Variants in ATP6V0E1 observed in about 807,000 individuals in gnomAD.
ATP6V0E1 encodes V-type proton ATPase subunit e 1.
Under a neutral mutation model 11.6 loss-of-function variants are expected in ATP6V0E1, and 4 were observed. That is an observed-to-expected ratio of 0.35 (90% CI 0.17 to 0.79). ATP6V0E1 has a LOEUF of 0.79. Ranked by LOEUF, ATP6V0E1 falls within the 30% of genes least tolerant of loss-of-function variation. ATP6V0E1 has a pLI of 0.54. For missense variants in ATP6V0E1, 105 were observed against 100.0 expected (o/e 1.05, Z -0.21); for synonymous variants, 36 against 34.8 (o/e 1.04, Z -0.13).
chr5:172,998,190 C>CTTTTTTTT (rs999790390), intron 2 of ATP6V0E1, among the ~76,000 whole-genome samples: 6 of 104,878 alleles, frequency 5.7e-5, no homozygotes, highest in African/African-American at 1.1e-4. Context: ...AAAATTTAGT[C>CTTTTTTTT]TTTTTTTTTT....
In ATP6V0E1 at chr5:173,021,301, G is replaced by C. The variant is rs138482337; in HGVS notation, c.*36+934G>C. On this transcript the variant is annotated intron_variant, in intron 3 of 3. Coordinates refer to ENST00000519374, the MANE Select transcript of ATP6V0E1 (RefSeq NM_003945.4). ...CTGATAAAGACATACCCAAGACTGG[G>C]TAATTTATAAAGAAAGAGAGGTTTA... Among the ~76,000 whole-genome samples the C allele has an allele frequency of 2.0e-5, 3 of 150,792 alleles. No individual in the cohort carries two copies. The East Asian group carries it at 5.8e-4, about 29-fold the overall frequency.
At chr5:172,984,438 T>C (rs1390422162) in intron 1 of ATP6V0E1, among the ~76,000 whole-genome samples, 3 of 152,288 alleles carry the variant, frequency 2.0e-5, no homozygotes, top group Admixed American at 6.5e-5. Flanking sequence ...TTCGACAACA[T>C]TGAGCCCAGG....
chr5:172,987,297 T>C (rs1755911396), intron 1 of ATP6V0E1: 1 of 149,072 alleles, frequency 6.7e-6, no homozygotes, highest in Non-Finnish European at 1.5e-5. Flanking sequence ...TTTTTTTTTT[T>C]CTTTGAGATG....
At chr5:173,032,346 G>T (rs1756678242) in intron 3 of ATP6V0E1, among the ~76,000 whole-genome samples, 1 of 150,782 alleles carries the variant, frequency 6.6e-6, no homozygotes, top group Admixed American at 6.6e-5. Context: ...GGAGTCCAAT[G>T]GTGTGATCTC....
chr5:173,013,683 C>T (rs1756364894), intron 2 of ATP6V0E1, among the ~76,000 whole-genome samples: 1 of 151,608 alleles, frequency 6.6e-6, no homozygotes, highest in African/African-American at 2.4e-5. Context: ...CCTCAAACAA[C>T]TTAACAGTTA....
intron 2 of ATP6V0E1, among the ~76,000 whole-genome samples, chr5:173,007,933 G>C (rs1017926605): frequency 6.6e-6 from 1 of 152,194 alleles, no homozygotes; most frequent in Non-Finnish European, 1.5e-5. Context: ...CATGTATGCC[G>C]GGCAGGGGCT....
intron 3 of ATP6V0E1, among the ~76,000 whole-genome samples, chr5:173,031,419 CTTTTT>C (rs564495625): frequency 7.7e-6 from 1 of 129,084 alleles, no homozygotes; most frequent in African/African-American, 2.9e-5. Context: ...CCTTATGACT[CTTTTT>C]TTTTTTTTTT....
chr5:172,996,225 A>G (rs570684961), intron 2 of ATP6V0E1, among the ~76,000 whole-genome samples: 1 of 152,380 alleles, frequency 6.6e-6, no homozygotes, highest in South Asian at 2.1e-4. Flanking sequence ...TGATTTAAAG[A>G]GAAAATGTGG....
rs184294309 is a variant in ATP6V0E1 at position 173,016,625 on chromosome 5, G to T, written c.153-3613G>T. ...TAGTATTTCTAGGCATTGGCCAGTTGTCTCAGTCTCTTACGAAAGTGTTTT... is the reference window on the plus strand; with the variant it reads ...TAGTATTTCTAGGCATTGGCCAGTTTTCTCAGTCTCTTACGAAAGTGTTTT... On this transcript the variant is annotated intron_variant, in intron 2 of 3. Transcript: ENST00000519374. Among the ~76,000 whole-genome samples the T allele has an allele frequency of 3.7e-3, 565 of 152,294 alleles. 2 individuals carry two copies. The highest frequency in any genetic ancestry group is 4.6e-3 in the Non-Finnish European group (316 of 68,026).
chr5:172,995,404 C>T (rs537205928), intron 2 of ATP6V0E1, among the ~76,000 whole-genome samples: 2 of 152,124 alleles, frequency 1.3e-5, no homozygotes, highest in Admixed American at 1.3e-4. Context: ...GCCCGGTATA[C>T]TATTGTGAAG....
At chr5:173,021,054 T>C (rs1157605283) in intron 3 of ATP6V0E1, 12 of 391,894 alleles carry the variant, frequency 3.1e-5, no homozygotes, top group Non-Finnish European at 5.6e-5. Context: ...TTCTGCAGGC[T>C]GTATAAACAT....
rs143803303 is a variant in ATP6V0E1, at chr5:173,033,575, G to T, written c.*37-824G>T. 4.9e-4 allele frequency among the ~76,000 whole-genome samples: 74 copies of T among 152,266 alleles called. 1 individual carries two copies. In the East Asian group the frequency reaches 0.014, roughly 29 times the overall value. On this transcript the variant is annotated intron_variant, in intron 3 of 3. Coordinates refer to ENST00000519374, the MANE Select transcript of ATP6V0E1 (RefSeq NM_003945.4). ...AATATAGTCTGTTTAGGGCATGATG[G>T]CTCATGCCTGTAATCCCAGCACTTT...
chr5:173,024,898 G>A (rs1254980407), intron 3 of ATP6V0E1, among the ~76,000 whole-genome samples: 41 of 144,020 alleles, frequency 2.8e-4, no homozygotes, highest in Non-Finnish European at 5.7e-4. Flanking sequence ...GCTGGAGTGC[G>A]GTGGCGTGAT....
intron 1 of ATP6V0E1, among the ~76,000 whole-genome samples, chr5:172,985,244 CAAA>C (rs59381222): frequency 8.9e-5 from 8 of 89,436 alleles, no homozygotes; most frequent in Non-Finnish European, 7.9e-5. Flanking sequence ...GACTCCGTCT[CAAA>C]AAAAAAAAAA....
chr5:173,030,939 A>T (rs1306999639), intron 3 of ATP6V0E1, among the ~76,000 whole-genome samples: 1 of 149,118 alleles, frequency 6.7e-6, no homozygotes, highest in African/African-American at 2.5e-5. Context: ...TTATTTATTT[A>T]TTTATTTATT....
chr5:172,990,242 T>C (rs1412440587), intron 1 of ATP6V0E1, among the ~76,000 whole-genome samples: 3 of 152,080 alleles, frequency 2.0e-5, no homozygotes, highest in Admixed American at 6.6e-5. Context: ...AGCCCCTGGC[T>C]CTTTATTTTT....
intron 2 of ATP6V0E1, among the ~76,000 whole-genome samples, chr5:173,009,876 G>C (rs1230310019): frequency 6.6e-6 from 1 of 151,126 alleles, no homozygotes; most frequent in Non-Finnish European, 1.5e-5. Flanking sequence ...CGATTCTCCT[G>C]CCTCAGCCTC....
intron 3 of ATP6V0E1, among the ~76,000 whole-genome samples, chr5:173,033,136 G>A (rs1238334637): frequency 3.9e-5 from 6 of 152,174 alleles, no homozygotes; most frequent in Non-Finnish European, 8.8e-5. Flanking sequence ...GTCAGGCTCT[G>A]TCACCTAGGC....
chr5:173,027,611 G>GGTTTTT (rs966410176), intron 3 of ATP6V0E1, among the ~76,000 whole-genome samples: 39 of 151,812 alleles, frequency 2.6e-4, no homozygotes, highest in African/African-American at 5.8e-4. Flanking sequence ...CGTACGTGTG[G>GGTTTTT]GTTTTTGTTT....
Sources: gnomAD v4.1 joint callset for allele counts (sites outside exome capture counted in the v4.1 genomes callset) on GRCh38, gnomAD v4.1.1 for gene constraint, MANE v1.5 for transcripts, NCBI Gene and HGNC (gene_info 2026-07-23, HGNC 2026-07-21) for gene names.